KCNJ5: variants seen among roughly 807,000 people sequenced by gnomAD.
KCNJ5 encodes potassium inwardly rectifying channel subfamily J member 5.
Under a neutral mutation model 20.2 loss-of-function variants are expected in KCNJ5, and 12 were observed. That is an observed-to-expected ratio of 0.59 (90% CI 0.38 to 0.96). The LOEUF (loss-of-function observed/expected upper bound fraction) is 0.96, where lower values mean the gene tolerates loss of function less well. Among genes scored for constraint, KCNJ5 ranks in the 40% least tolerant of loss-of-function variants. KCNJ5 has a pLI of 0.00. For missense variants in KCNJ5, 449 were observed against 557.6 expected, an observed-to-expected ratio of 0.81 and a Z score of 1.96; for synonymous variants, 210 against 213.9, an observed-to-expected ratio of 0.98 and a Z score of 0.16.
intron 2 of KCNJ5, among the ~76,000 whole-genome samples, chr11:128,912,635 G>A (rs1813357311): frequency 6.6e-6 from 1 of 152,016 alleles, no homozygotes; most frequent in Non-Finnish European, 1.5e-5. Context: ...CCCAGCCTCT[G>A]GAGTAGCTGG....
At position 128,916,025 on chromosome 11, in the gene KCNJ5, G is replaced by T. The variant is rs745525719; in HGVS notation, c.938-384G>T. Among the ~76,000 whole-genome samples, 56 of 148,220 alleles carry T rather than the reference G, an allele frequency of 3.8e-4. 1 individual carries two copies. The highest frequency in any genetic ancestry group is 5.4e-4 in the Non-Finnish European group (36 of 67,228). On this transcript the variant is annotated intron_variant, in intron 2 of 2. Transcript: ENST00000529694. ...GGATGGATGGATGATTGGATGGATG[G>T]ATGAATGGATGGATGGATGGATGGC...
chr11:128,909,189 C>T (rs1944465848), intron 1 of KCNJ5, among the ~76,000 whole-genome samples: 1 of 152,224 alleles, frequency 6.6e-6, no homozygotes, highest in Non-Finnish European at 1.5e-5. Context: ...TCTGACTCCC[C>T]AGGACAGCTG....
At chr11:128,898,360 T>C (rs143643891) in intron 1 of KCNJ5, among the ~76,000 whole-genome samples, 1 of 152,276 alleles carries the variant, frequency 6.6e-6, no homozygotes, top group African/African-American at 2.4e-5. Flanking sequence ...GCAGTTCTTT[T>C]TGCTCTGCCA....
rs933339768 is a variant in KCNJ5 at position 128,902,469 on chromosome 11, C to G, written c.-10-8795C>G. The G allele has an allele frequency of 3.9e-6, 6 of 1,520,438 alleles. No individual in the cohort carries two copies. The African/African-American group carries it at 6.9e-5, about 17-fold the overall frequency. 94.2% of individuals were successfully genotyped at this position (1,520,438 alleles called of 1,614,324 possible). A position where few individuals can be genotyped will look rare whatever the true frequency, so the allele number is the denominator to read the frequency against. On this transcript the variant is annotated intron_variant, in intron 1 of 2. Transcript: ENST00000529694. The stretch of plus-strand genomic sequence containing the variant: ...AGGGAGGAGAAGGCAGCGAGGAACC[C>G]CGCACTTTAAGGAACAGGGATGTCA...
intron 1 of KCNJ5, among the ~76,000 whole-genome samples, chr11:128,894,842 G>A (rs529749112): frequency 1.3e-5 from 2 of 152,218 alleles, no homozygotes. Context: ...CTAGTCAACA[G>A]GGCCCAGGAT....
intron 2 of KCNJ5, among the ~76,000 whole-genome samples, chr11:128,913,994 G>A (rs894266978): frequency 1.3e-5 from 2 of 152,156 alleles, no homozygotes; most frequent in Admixed American, 6.5e-5. Context: ...GGTGCCAGAG[G>A]TGGCTGCTCG....
At chr11:128,903,519 G>A (rs753957937) in intron 1 of KCNJ5, 28 of 1,613,658 alleles carry the variant, frequency 1.7e-5, no homozygotes, top group Non-Finnish European at 2.2e-5. Flanking sequence ...TGCCTTAGAT[G>A]AAGGAGAATC....
intron 1 of KCNJ5, among the ~76,000 whole-genome samples, chr11:128,899,376 G>A (rs1174823810): frequency 6.6e-6 from 1 of 152,158 alleles, no homozygotes; most frequent in African/African-American, 2.4e-5. Context: ...AGTTTCTGTG[G>A]CTCTTTCTCA....
In KCNJ5 at chr11:128,911,229, G is replaced by A; in HGVS notation, c.-10-35G>A. ...TCTTGTGTTCTAGTGAATCAGAACA[G>A]CCCACTTCACTGATGGTGTCTTTTT... On this transcript the variant is annotated intron_variant, in intron 1 of 2. Coordinates refer to ENST00000529694, the MANE Select transcript of KCNJ5 (RefSeq NM_000890.5). This position sits in a 1 kb window ranked among gnomAD's most constrained non-coding sequence, Gnocchi z 6.3. The A allele has an allele frequency of 1.9e-6, 3 of 1,547,242 alleles. No individual in the cohort carries two copies. The highest frequency in any genetic ancestry group is 2.7e-6 in the Non-Finnish European group (3 of 1,120,156).
Position 128,918,976 on chromosome 11 carries a change from G to A in KCNJ5, c.*2245G>A, listed in dbSNP as rs2846694. On this transcript the variant is annotated 3_prime_UTR_variant, in exon 3 of 3. Coordinates refer to ENST00000529694, the MANE Select transcript of KCNJ5 (RefSeq NM_000890.5). ...TGCCCCCAGGAGTCTCAGAAAGGCA[G>A]CCCATCACTAAGGCTGGATGCCTTT... is the stretch of plus-strand genomic sequence containing the variant. The A allele has an allele frequency of 0.59, 70,966 of 119,748 alleles. 16,981 individuals are homozygous for A. The highest frequency in any genetic ancestry group is 0.65 in the Non-Finnish European group (35,394 of 54,492). The allele number at this position is 119,748 out of a possible 1,614,324, so 7.4% of individuals were successfully genotyped here. A position where few individuals can be genotyped will look rare whatever the true frequency, so the allele number is the denominator to read the frequency against.
rs578052153 is a variant in KCNJ5, at chr11:128,903,728, T to A, written c.-10-7536T>A. Among the ~76,000 whole-genome samples, 8 of 152,272 alleles carry A rather than the reference T, an allele frequency of 5.3e-5. No individual in the cohort carries two copies. The South Asian group carries it at 8.3e-4, about 16-fold the overall frequency. On this transcript the variant is annotated intron_variant, in intron 1 of 2. Transcript: ENST00000529694. ...CAGGGACCTCTGGGGGCAAGTATTGTGCTTAGAAACACCGAGGAGCAGCTG... is the reference window on the plus strand; with the variant it reads ...CAGGGACCTCTGGGGGCAAGTATTGAGCTTAGAAACACCGAGGAGCAGCTG...
chr11:128,912,622 T>C (rs1468108877), intron 2 of KCNJ5, among the ~76,000 whole-genome samples: 1 of 152,138 alleles, frequency 6.6e-6, no homozygotes, highest in Non-Finnish European at 1.5e-5. Flanking sequence ...GCGATTCTCC[T>C]GCCCCAGCCT....
At chr11:128,910,634 G>A (rs952281780) in intron 1 of KCNJ5, among the ~76,000 whole-genome samples, 1 of 152,138 alleles carries the variant, frequency 6.6e-6, no homozygotes, top group Non-Finnish European at 1.5e-5. Flanking sequence ...TAACCTCTTT[G>A]GAAGCCTGTT....
At chr11:128,895,376 G>GCCCCCCCCCCCCC (rs1393711093) in intron 1 of KCNJ5, among the ~76,000 whole-genome samples, 2 of 65,132 alleles carry the variant, frequency 3.1e-5, no homozygotes, top group African/African-American at 1.2e-4. Context: ...CTTAGAGTGT[G>GCCCCCCCCCCCCC]CCCCCACCCC....
At chr11:128,915,464 TCC>T (rs924664233) in intron 2 of KCNJ5, among the ~76,000 whole-genome samples, 4 of 152,188 alleles carry the variant, frequency 2.6e-5, no homozygotes, top group African/African-American at 9.6e-5. Context: ...TGTCAGATTC[TCC>T]GTGTTCATTC....
intron 2 of KCNJ5, 75 bp downstream of exon 2, chr11:128,912,285 G>A (rs1258974170): frequency 1.7e-6 from 2 of 1,194,082 alleles, no homozygotes; most frequent in Non-Finnish European, 2.5e-6. Flanking sequence ...GACTCCAGAA[G>A]ATGCAGGTCT....
chr11:128,892,756 T>C (rs1944115118), intron 1 of KCNJ5, among the ~76,000 whole-genome samples: 1 of 152,200 alleles, frequency 6.6e-6, no homozygotes, highest in Non-Finnish European at 1.5e-5. Flanking sequence ...TATCGGGCTT[T>C]CTGGTTCTCA....
intron 1 of KCNJ5, chr11:128,904,342 T>A (rs7930049): frequency 6.4e-7 from 1 of 1,561,502 alleles, no homozygotes; most frequent in Non-Finnish European, 8.7e-7. Context: ...CACTCTCTAC[T>A]GCACTGATTT....
chr11:128,912,246 C>G (rs1944515468), intron 2 of KCNJ5, 36 bp downstream of exon 2: 1 of 1,521,804 alleles, frequency 6.6e-7, no homozygotes, highest in African/African-American at 1.4e-5. Context: ...ACAGGTGGCC[C>G]TACCTACACT....
Sources: allele counts gnomAD v4.1 joint callset (sites outside exome capture counted in the v4.1 genomes callset), GRCh38; gene constraint gnomAD v4.1.1; non-coding constraint Gnocchi (gnomAD v3.1); transcripts MANE v1.5; gene names NCBI Gene and HGNC (gene_info 2026-07-23, HGNC 2026-07-21).